The following GALNT12 variants were observed in gnomAD, a reference collection of about 807,000 sequenced individuals.
The protein encoded by GALNT12 is UDP-GalNAc:polypeptide N-acetylgalactosaminyltransferase 12.
Under a neutral mutation model 55.5 loss-of-function variants are expected in GALNT12, and 45 were observed. The observed-to-expected ratio is 0.81, with a 90% CI of 0.64 to 1.04. The LOEUF (loss-of-function observed/expected upper bound fraction) is 1.04, where lower values mean the gene tolerates loss of function less well. Among genes scored for constraint, GALNT12 ranks in the 50% least tolerant of loss-of-function variants. The pLI is 0.00. For synonymous variants in GALNT12, 304 were observed against 312.2 expected (o/e 0.97, Z 0.28); for missense variants, 709 against 754.8 (o/e 0.94, Z 0.71).
chr9:98,831,710 C>A, intron 3 of GALNT12, 62 bp from the exon 4 acceptor site: 1 of 1,582,622 alleles, frequency 6.3e-7, no homozygotes, highest in Non-Finnish European at 8.7e-7. Context: ...TTGAATTTCC[C>A]AATTGTCTTC....
intron 3 of GALNT12, among the ~76,000 whole-genome samples, chr9:98,829,516 AT>A (rs78378866): frequency 0.042 from 6,249 of 147,174 alleles, 418 homozygotes; most frequent in African/African-American, 0.14. Flanking sequence ...CAATTAAATT[AT>A]TTTTTTTTTT....
Position 98,807,725 on chromosome 9 carries a change from C to A in GALNT12, c.27C>A (p.Arg9=). 8.5e-7 allele frequency: 1 copy of A among 1,183,262 alleles called. No homozygotes were observed. The allele number at this position is 1,183,262 out of a possible 1,614,324, so 73.3% of individuals were successfully genotyped here. Residue 9 remains arginine (R), a synonymous_variant, in exon 1 of 10, where the codon CGC becomes CGA. Coordinates refer to ENST00000375011, the MANE Select transcript of GALNT12 (RefSeq NM_024642.5). ...TGTGGGGGCGCACGGCGCGGCGGCG[C>A]TGCCCGCGGGAACTGCGGCGCGGCC... The part of the protein sequence containing the change: MWGRTARR[R]CPRELRRGRE...
intron 6 of GALNT12, among the ~76,000 whole-genome samples, chr9:98,838,858 C>T (rs1357915046): frequency 6.6e-6 from 1 of 152,230 alleles, no homozygotes; most frequent in African/African-American, 2.4e-5. Context: ...AAAACTGAAG[C>T]TCAGAGAGAC....
intron 3 of GALNT12, among the ~76,000 whole-genome samples, chr9:98,830,923 T>A (rs775603212): frequency 1.3e-5 from 2 of 152,166 alleles, no homozygotes; most frequent in Non-Finnish European, 2.9e-5. Flanking sequence ...ACTCTTAGGA[T>A]TTTTAGGTCT....
chr9:98,832,387 T>G (rs1189675037), intron 4 of GALNT12, among the ~76,000 whole-genome samples: 2 of 152,012 alleles, frequency 1.3e-5, no homozygotes, highest in Non-Finnish European at 1.5e-5. Flanking sequence ...AGCATGCTAG[T>G]GTGTATCTGT....
intron 3 of GALNT12, among the ~76,000 whole-genome samples, chr9:98,831,495 G>A (rs1278710941): frequency 2.0e-5 from 3 of 152,192 alleles, no homozygotes; most frequent in African/African-American, 7.2e-5. Flanking sequence ...AAATCATAGA[G>A]CGTTTGGTCA....
Position 98,846,015 on chromosome 9 carries a change from C to T in GALNT12, c.1497C>T (p.Asn499=), listed in dbSNP as rs35632007. Residue 499 remains asparagine, a synonymous_variant, in exon 9 of 10, where the codon AAC becomes AAT. Coordinates refer to ENST00000375011, the MANE Select transcript of GALNT12 (RefSeq NM_024642.5). ...EYTSQKEIRY[N]THQPEGCIAV... ...CGTCCCAGAAAGAAATACGCTATAA[C>T]ACCCACCAGCCTGAGGGCTGCATTG... 4,235 of 1,614,160 alleles carry T rather than the reference C, an allele frequency of 2.6e-3. 4 individuals carry two copies. Among genetic ancestry groups the T allele is most frequent in the Middle Eastern group, 7.1e-3 (43 of 6,062 alleles).
intron 9 of GALNT12, 86 bp from the exon 10 acceptor site, chr9:98,848,866 A>T: frequency 6.6e-7 from 1 of 1,521,166 alleles, no homozygotes; most frequent in Middle Eastern, 1.7e-4. Context: ...AAATGGTAAA[A>T]ATCAGACCCT....
chr9:98,848,100 C>A (rs187775225), intron 9 of GALNT12, among the ~76,000 whole-genome samples: 27 of 152,310 alleles, frequency 1.8e-4, no homozygotes, highest in East Asian at 1.7e-3. Context: ...CAGGCGTGAG[C>A]TACTGTGCCC....
intron 9 of GALNT12, among the ~76,000 whole-genome samples, chr9:98,848,159 C>A (rs1422435774): frequency 6.6e-6 from 1 of 152,120 alleles, no homozygotes; most frequent in East Asian, 1.9e-4. Flanking sequence ...AATGTCATTT[C>A]TTGGATTCTA....
At position 98,826,924 on chromosome 9, in the gene GALNT12, G is replaced by A. The variant is rs1196612488; in HGVS notation, c.714G>A (p.Leu238=). The A allele has an allele frequency of 6.4e-7, 1 of 1,565,314 alleles. No homozygotes were observed. Among genetic ancestry groups the A allele is most frequent in the South Asian group, 1.2e-5 (1 of 85,292 alleles). Reference sequence around the variant, plus strand: ...ACTGTGAGTGCCACGAAGGGTGGCTGGAGCCGCTGCTGCAGAGGTACGTGA... The same window carrying A: ...ACTGTGAGTGCCACGAAGGGTGGCTAGAGCCGCTGCTGCAGAGGTACGTGA... ...DCHCECHEGW[L]EPLLQRIHEE... Residue 238 remains leucine, a synonymous_variant, in exon 3 of 10, where the codon CTG becomes CTA. Coordinates refer to ENST00000375011, the MANE Select transcript of GALNT12 (RefSeq NM_024642.5).
intron 1 of GALNT12, among the ~76,000 whole-genome samples, chr9:98,821,710 CT>C (rs1346939122): frequency 6.6e-6 from 1 of 151,854 alleles, no homozygotes; most frequent in Admixed American, 6.6e-5. Context: ...TCTTCCCTGA[CT>C]TTTCATGGGG....
At chr9:98,843,954 C>G in intron 7 of GALNT12, 142 bp from the exon 8 acceptor site, 1 of 662,392 alleles carries the variant, frequency 1.5e-6, no homozygotes, top group South Asian at 1.7e-5. Context: ...CTAGAAGGTG[C>G]TGTACAGAAA....
At chr9:98,844,893 G>A (rs1229745732) in intron 8 of GALNT12, among the ~76,000 whole-genome samples, 3 of 152,244 alleles carry the variant, frequency 2.0e-5, no homozygotes, top group South Asian at 4.2e-4. Context: ...GAGGATGCAG[G>A]AATGGAGAGA....
intron 7 of GALNT12, among the ~76,000 whole-genome samples, chr9:98,841,440 G>C (rs2118477887): frequency 6.6e-6 from 1 of 152,140 alleles, no homozygotes; most frequent in South Asian, 2.1e-4. Context: ...CCCTCACCTG[G>C]ACCAGTCATT....
At position 98,835,861 on chromosome 9, in the gene GALNT12, G is replaced by A. The variant is rs192148762; in HGVS notation, c.1035+495G>A. Among the ~76,000 whole-genome samples, 14 of 152,174 alleles carry A rather than the reference G, an allele frequency of 9.2e-5. No homozygotes were observed. The East Asian group carries it at 2.7e-3, about 29-fold the overall frequency. Reference sequence around the variant, plus strand: ...AGTGATTCTTCTGCCTCAGCCTCCCGAGTAGCTGGGATTATGGGCATGTGC... The same window carrying A: ...AGTGATTCTTCTGCCTCAGCCTCCCAAGTAGCTGGGATTATGGGCATGTGC... On this transcript the variant is annotated intron_variant, in intron 5 of 9. Transcript: ENST00000375011.
intron 3 of GALNT12, among the ~76,000 whole-genome samples, chr9:98,830,921 G>A (rs1281171688): frequency 6.6e-6 from 1 of 152,132 alleles, no homozygotes; most frequent in African/African-American, 2.4e-5. Context: ...GGACTCTTAG[G>A]ATTTTTAGGT....
intron 1 of GALNT12, among the ~76,000 whole-genome samples, chr9:98,814,087 A>G (rs1835558924): frequency 6.6e-6 from 1 of 152,180 alleles, no homozygotes; most frequent in Non-Finnish European, 1.5e-5. Context: ...CAGGGACTCA[A>G]TTGATGTCAT....
At chr9:98,845,755 G>T (rs186489077) in intron 8 of GALNT12, among the ~76,000 whole-genome samples, 2 of 152,248 alleles carry the variant, frequency 1.3e-5, no homozygotes, top group African/African-American at 4.8e-5. Flanking sequence ...AGCTGGGCAG[G>T]CATGGGAAGG....
Sources: gnomAD v4.1 joint callset for allele counts (sites outside exome capture counted in the v4.1 genomes callset) on GRCh38, gnomAD v4.1.1 for gene constraint, MANE v1.5 for transcripts, NCBI Gene and HGNC (gene_info 2026-07-23, HGNC 2026-07-21) for gene names.